CCM2L: variants seen among roughly 807,000 people sequenced by gnomAD.
CCM2L encodes cerebral cavernous malformations 2 protein-like.
In CCM2L, 36 loss-of-function variants were observed where a neutral mutation model predicts 54.1. The ratio of observed to expected loss-of-function variants is 0.67; its 90% CI spans 0.51 to 0.88. CCM2L has a LOEUF of 0.88. CCM2L is among the 40% of genes least tolerant of loss of function. CCM2L has a pLI of 0.00. For missense variants in CCM2L, 700 were observed against 812.1 expected, an observed-to-expected ratio of 0.86 and a Z score of 1.68; for synonymous variants, 351 against 359.3, an observed-to-expected ratio of 0.98 and a Z score of 0.26.
intron 7 of CCM2L, 148 bp from the exon 8 acceptor site, chr20:32,028,847 A>G: frequency 1.0e-6 from 1 of 958,630 alleles, no homozygotes; most frequent in Non-Finnish European, 1.5e-6. Flanking sequence ...GCACAGTGAC[A>G]GATGAGACTT....
chr20:32,016,278 C>T (rs1250642711), intron 2 of CCM2L, among the ~76,000 whole-genome samples: 1 of 152,142 alleles, frequency 6.6e-6, no homozygotes, highest in East Asian at 1.9e-4. Context: ...TTCAGATAAG[C>T]AATGAATACT....
intron 2 of CCM2L, among the ~76,000 whole-genome samples, chr20:32,016,227 T>C (rs375044121): frequency 6.6e-6 from 1 of 152,156 alleles, no homozygotes; most frequent in South Asian, 2.1e-4. Flanking sequence ...GGTAGGGTTG[T>C]CTGAACTGGC....
intron 7 of CCM2L, 92 bp downstream of exon 7, chr20:32,026,011 T>A (rs1056717681): frequency 2.1e-6 from 2 of 961,042 alleles, no homozygotes; most frequent in East Asian, 1.2e-4. Context: ...TGACCCAACC[T>A]TGATGTGTGC....
intron 4 of CCM2L, 120 bp from the exon 5 acceptor site, chr20:32,018,823 G>A (rs1056668757): frequency 8.7e-7 from 1 of 1,150,118 alleles, no homozygotes; most frequent in Non-Finnish European, 1.1e-6. Flanking sequence ...CTTTAAAGCC[G>A]GGGGCGAGGC....
At position 32,022,691 on chromosome 20, in the gene CCM2L, G is replaced by A. The variant is rs747897288; in HGVS notation, c.965G>A (p.Cys322Tyr). The A allele has an allele frequency of 6.2e-7, 1 of 1,614,074 alleles. No homozygotes were observed. The highest frequency in any genetic ancestry group is 8.5e-7 in the Non-Finnish European group (1 of 1,180,052). ...GCAGAGGAGTCCTGCGCACTCATCT[G>A]TCAGGTCTTCCAGATCATCTACGGG... is the stretch of plus-strand genomic sequence containing the variant. The part of the protein sequence containing the change: ...DAAEESCALI[C>Y]QVFQIIYGDQ... Residue 322 changes from cysteine (C) to tyrosine (Y), a missense_variant, in exon 6 of 10, where the codon TGT (cysteine) becomes TAT (tyrosine). Coordinates refer to ENST00000452892, the MANE Select transcript of CCM2L (RefSeq NM_001365692.1).
chr20:32,018,161 C>A lies in CCM2L; in HGVS notation c.465C>A (p.Thr155=), dbSNP rs914043465. 2.1e-6 allele frequency: 3 copies of A among 1,413,102 alleles called. No homozygotes were observed. Among genetic ancestry groups the A allele is most frequent in the African/African-American group, 1.5e-5 (1 of 66,976 alleles). 87.5% of individuals were successfully genotyped at this position (1,413,102 alleles called of 1,614,324 possible). Residue 155 remains threonine (T), a splice_region_variant and synonymous_variant, in exon 4 of 10, where the codon ACC becomes ACA. Transcript: ENST00000452892. ...DDALHLLVLK[T]GLGVDPVPAG... ...CGCTGCACCTGCTAGTGCTCAAGAC[C>A]GGTGCGGCGGGAGGGGGCGGGGGCG...
chr20:32,018,087 C>T lies in CCM2L; in HGVS notation c.391C>T (p.Arg131Ter). The change falls in exon 4 of 10, where the codon CGA becomes TGA. Residue 131 changes from arginine to a stop codon, truncating the protein, a stop_gained. Coordinates refer to ENST00000452892, the MANE Select transcript of CCM2L (RefSeq NM_001365692.1). LOFTEE classifies it high-confidence loss of function. ...TWRDNEELIL[R>*]IPTHEIAAAS... ...GCGCGACAATGAAGAGCTCATTCTGCGAATCCCTACGCACGAGATCGCCGC... is the reference window on the plus strand; with the variant it reads ...GCGCGACAATGAAGAGCTCATTCTGTGAATCCCTACGCACGAGATCGCCGC... 1.9e-6 allele frequency: 3 copies of T among 1,612,840 alleles called. No homozygotes were observed. The highest frequency in any genetic ancestry group is 2.2e-5 in the East Asian group (1 of 44,844).
intron 5 of CCM2L, 41 bp downstream of exon 5, chr20:32,019,450 G>T (rs1455075799): frequency 7.1e-7 from 1 of 1,406,504 alleles, no homozygotes; most frequent in South Asian, 1.4e-5. Context: ...CCGGCTTCGG[G>T]AACGCTGCTT....
At position 32,024,691 on chromosome 20, in the gene CCM2L, G is replaced by A. The variant is rs561341072; in HGVS notation, c.1070-1165G>A. 7.2e-5 allele frequency among the ~76,000 whole-genome samples: 11 copies of A among 152,342 alleles called. No homozygotes were observed. In the East Asian group the frequency reaches 1.9e-3, roughly 27 times the overall value. Reference sequence around the variant, plus strand: ...AAAATACAAAAATTAGCTGGGCATGGTAGCAGGCACCTGTAATCCCAACTA... The same window carrying A: ...AAAATACAAAAATTAGCTGGGCATGATAGCAGGCACCTGTAATCCCAACTA... On this transcript the variant is annotated intron_variant, in intron 6 of 9. Transcript: ENST00000452892.
chr20:32,024,620 A>T (rs945376833), intron 6 of CCM2L, among the ~76,000 whole-genome samples: 8 of 152,326 alleles, frequency 5.3e-5, no homozygotes, highest in East Asian at 1.9e-4. Flanking sequence ...TGAGGTCAGG[A>T]GTTCGAGACT....
chr20:32,026,387 C>G (rs967310586), intron 7 of CCM2L, among the ~76,000 whole-genome samples: 2 of 152,130 alleles, frequency 1.3e-5, no homozygotes, highest in African/African-American at 4.8e-5. Flanking sequence ...TCAGGACTTG[C>G]AGCCATCCTC....
chr20:32,015,006 T>TAG lies in CCM2L; in HGVS notation c.134_135insGA (p.Tyr45Ter), dbSNP rs2064729332. The TAG allele has an allele frequency of 6.3e-7, 1 of 1,577,116 alleles. No homozygotes were observed. Among genetic ancestry groups the TAG allele is most frequent in the African/African-American group, 1.4e-5 (1 of 72,096 alleles). ...CCGGCCCCTGCACTCGATGCCCCTT[T>TAG]ATCCCCCCGACTACCTCATCGACCC... ...SRRPLHSMPL[Y>*]PPDYLIDPQI... Residue 45 changes from tyrosine (Y) to a stop codon, truncating the protein, a stop_gained and frameshift_variant, in exon 2 of 10, where the codon TAT becomes TAGAT. Coordinates refer to ENST00000452892, the MANE Select transcript of CCM2L (RefSeq NM_001365692.1). LOFTEE classifies it high-confidence loss of function.
At chr20:32,011,590 T>G (rs538881558) in intron 1 of CCM2L, among the ~76,000 whole-genome samples, 5 of 152,184 alleles carry the variant, frequency 3.3e-5, no homozygotes, top group Non-Finnish European at 7.4e-5. Context: ...TGAGACTCTG[T>G]CTAAAATAAA....
rs113140141 is a variant in CCM2L at position 32,017,717 on chromosome 20, A to G, written c.199-83A>G. The G allele has an allele frequency of 2.9e-5, 30 of 1,033,018 alleles. 1 individual carries two copies. The highest frequency in any genetic ancestry group is 2.8e-4 in the African/African-American group (18 of 63,890). The allele number at this position is 1,033,018 out of a possible 1,614,324, so 64.0% of individuals were successfully genotyped here. A position where few individuals can be genotyped will look rare whatever the true frequency, so the allele number is the denominator to read the frequency against. ...TGTATTTCTATCTCAATCTATCCGC[A>G]CTGCATCAATGAGAAGGCCAGGGTT... On this transcript the variant is annotated intron_variant, in intron 2 of 9. Coordinates refer to ENST00000452892, the MANE Select transcript of CCM2L (RefSeq NM_001365692.1).
At chr20:32,019,442 G>A in intron 5 of CCM2L, 33 bp downstream of exon 5, 2 of 1,426,742 alleles carry the variant, frequency 1.4e-6, no homozygotes, top group Admixed American at 2.5e-5. Flanking sequence ...CCCAAAGCCC[G>A]GCTTCGGGAA....
chr20:32,031,321 C>T lies in CCM2L; in HGVS notation c.*7C>T, dbSNP rs1317949870. ...AGAAGACAACTACCTGTAGCCACCGCCCCTGCGGACGGCGTGGCTCAGCAG... is the reference window on the plus strand; with the variant it reads ...AGAAGACAACTACCTGTAGCCACCGTCCCTGCGGACGGCGTGGCTCAGCAG... On this transcript the variant is annotated 3_prime_UTR_variant, in exon 10 of 10. Transcript: ENST00000452892. 5 of 1,262,050 alleles carry T rather than the reference C, an allele frequency of 4.0e-6. No individual in the cohort carries two copies. Among genetic ancestry groups the T allele is most frequent in the South Asian group, 2.5e-5 (2 of 79,186 alleles). The allele number at this position is 1,262,050 out of a possible 1,614,324, so 78.2% of individuals were successfully genotyped here.
chr20:32,018,926 C>A lies in CCM2L; in HGVS notation c.467-17C>A, dbSNP rs1455188817. 4.5e-6 allele frequency: 6 copies of A among 1,319,078 alleles called. No homozygotes were observed. In the East Asian group the frequency reaches 9.4e-5, roughly 21 times the overall value. 81.7% of individuals were successfully genotyped at this position (1,319,078 alleles called of 1,614,324 possible). On this transcript the variant is annotated splice_polypyrimidine_tract_variant and intron_variant, in intron 4 of 9. Coordinates refer to ENST00000452892, the MANE Select transcript of CCM2L (RefSeq NM_001365692.1). ...AGTCCCGATCCCCGCGGCTGACGGT[C>A]CCCCGGACTCTCCTAGGTCTGGGTG...
Position 32,018,139 on chromosome 20 carries a change from T to G in CCM2L, c.443T>G (p.Leu148Arg). ...AAASYLQDDA[L>R]HLLVLKTGLG... ...GCCTCCTACCTGCAGGACGACGCGC[T>G]GCACCTGCTAGTGCTCAAGACCGGT... is the stretch of plus-strand genomic sequence containing the variant. The change falls in exon 4 of 10, where the codon CTG becomes CGG. Residue 148 changes from leucine (L) to arginine (R), a missense_variant. Physicochemically the swap from Leu to Arg is moderately radical, Grantham distance 102. Coordinates refer to ENST00000452892, the MANE Select transcript of CCM2L (RefSeq NM_001365692.1). 6.5e-7 allele frequency: 1 copy of G among 1,539,590 alleles called. No individual in the cohort carries two copies. Among genetic ancestry groups the G allele is most frequent in the Non-Finnish European group, 8.8e-7 (1 of 1,139,822 alleles).
At position 32,031,326 on chromosome 20, in the gene CCM2L, G is replaced by A; in HGVS notation, c.*12G>A. On this transcript the variant is annotated 3_prime_UTR_variant, in exon 10 of 10. Transcript: ENST00000452892. Reference sequence around the variant, plus strand: ...ACAACTACCTGTAGCCACCGCCCCTGCGGACGGCGTGGCTCAGCAGCCCAC... The same window carrying A: ...ACAACTACCTGTAGCCACCGCCCCTACGGACGGCGTGGCTCAGCAGCCCAC... 7.9e-7 allele frequency: 1 copy of A among 1,260,690 alleles called. No individual in the cohort carries two copies. The highest frequency in any genetic ancestry group is 1.3e-5 in the South Asian group (1 of 78,996). 78.1% of individuals were successfully genotyped at this position (1,260,690 alleles called of 1,614,324 possible).
Sources: gnomAD v4.1 joint callset for allele counts (sites outside exome capture counted in the v4.1 genomes callset) on GRCh38, gnomAD v4.1.1 for gene constraint, MANE v1.5 for transcripts, NCBI Gene and HGNC (gene_info 2026-07-23, HGNC 2026-07-21) for gene names.